NAALADL2: variants seen among roughly 807,000 people sequenced by gnomAD.
NAALADL2 encodes the protein inactive N-acetylated-alpha-linked acidic dipeptidase-like protein 2.
In NAALADL2, 76 loss-of-function variants were observed where a neutral mutation model predicts 87.2. That is an observed-to-expected ratio of 0.87 (90% CI 0.72 to 1.05). The LOEUF is 1.05. Among genes scored for constraint, NAALADL2 ranks in the 50% least tolerant of loss-of-function variants. NAALADL2 has a pLI of 0.00. For missense variants in NAALADL2, 1,089 were observed against 945.8 expected (o/e 1.15, Z -1.99); for synonymous variants, 354 against 331.0 (o/e 1.07, Z -0.75).
chr3:174,907,897 A>C (rs544816761), intron 1 of NAALADL2, among the ~76,000 whole-genome samples: 1 of 152,238 alleles, frequency 6.6e-6, no homozygotes, highest in East Asian at 1.9e-4. Flanking sequence ...ATTTCATGTC[A>C]GTGTTATTAT....
chr3:174,887,739 G>A (rs9854313), intron 1 of NAALADL2, among the ~76,000 whole-genome samples: 55,405 of 151,816 alleles, frequency 0.36, 11,024 homozygotes, highest in African/African-American at 0.54. Flanking sequence ...CAAGGCTGCA[G>A]GGAGCCATTT....
intron 11 of NAALADL2, among the ~76,000 whole-genome samples, chr3:175,694,287 G>A (rs1737444954): frequency 6.6e-6 from 1 of 152,094 alleles, no homozygotes; most frequent in African/African-American, 2.4e-5. Context: ...AAAGGTTTAA[G>A]TTAATCCTCT....
chr3:175,309,535 A>G (rs1177183824), intron 4 of NAALADL2, among the ~76,000 whole-genome samples: 3 of 152,124 alleles, frequency 2.0e-5, no homozygotes, highest in Non-Finnish European at 4.4e-5. Flanking sequence ...ATTGTAGAAA[A>G]AAAAACGTGG....
chr3:174,577,703 AG>A (rs1333125063), intron 2 of NAALADL2, among the ~76,000 whole-genome samples: 3 of 152,098 alleles, frequency 2.0e-5, no homozygotes, highest in African/African-American at 7.2e-5. Context: ...AGTTTTTGCC[AG>A]GTATCCTCCA....
Position 175,803,247 on chromosome 3 carries a change from G to T in NAALADL2, c.*44G>T, listed in dbSNP as rs1754408626. ...TAAAAGTTTGTTTACAATTCCACAA[G>T]CAAAAGCTCTAATTTAACCAGATTT... On this transcript the variant is annotated 3_prime_UTR_variant, in exon 14 of 14. Coordinates refer to ENST00000454872, the MANE Select transcript of NAALADL2 (RefSeq NM_207015.3). 4 of 1,436,664 alleles carry T rather than the reference G, an allele frequency of 2.8e-6. No individual in the cohort carries two copies. The Admixed American group carries it at 8.3e-5, about 30-fold the overall frequency. The allele number at this position is 1,436,664 out of a possible 1,614,324, so 89.0% of individuals were successfully genotyped here. A position where few individuals can be genotyped will look rare whatever the true frequency, so the allele number is the denominator to read the frequency against.
intron 9 of NAALADL2, among the ~76,000 whole-genome samples, chr3:175,474,881 C>G (rs1560613183): frequency 6.6e-6 from 1 of 151,950 alleles, no homozygotes; most frequent in African/African-American, 2.4e-5. Flanking sequence ...ATCGGTGGAG[C>G]CTTCTATTCC....
At chr3:175,017,022 CT>C (rs1272203853) in intron 1 of NAALADL2, among the ~76,000 whole-genome samples, 1 of 152,062 alleles carries the variant, frequency 6.6e-6, no homozygotes, top group Non-Finnish European at 1.5e-5. Flanking sequence ...TTTCTTCCAT[CT>C]ACCTGCGTTT....
At position 175,809,073 on chromosome 3, in the gene NAALADL2, G is replaced by A. The variant is rs933175392; in HGVS notation, c.*5870G>A. ...TGTTTTATTAATATTAAAAATTTTT[G>A]TTTACTTATATATCAAGCTGCTGCA... On this transcript the variant is annotated 3_prime_UTR_variant, in exon 14 of 14. Transcript: ENST00000454872. The A allele has an allele frequency of 4.6e-5, 7 of 151,710 alleles. No homozygotes were observed. Among genetic ancestry groups the A allele is most frequent in the Admixed American group, 3.9e-4 (6 of 15,192 alleles). The allele number at this position is 151,710 out of a possible 1,614,324, so 9.4% of individuals were successfully genotyped here. A position where few individuals can be genotyped will look rare whatever the true frequency, so the allele number is the denominator to read the frequency against.
rs868124870 is a variant in NAALADL2, at chr3:174,607,379, A to G, written c.-115+56742A>G. ...TAAAAGACACAGACTGGCAATTTGG[A>G]TAAAGAGTCAAGACCCATCAGTGTG... On this transcript the variant is annotated intron_variant, in intron 2 of 3. Coordinates refer to the NAALADL2 transcript ENST00000434257. 5.8e-3 allele frequency among the ~76,000 whole-genome samples: 883 copies of G among 151,768 alleles called. 6 individuals carry two copies. Among genetic ancestry groups the G allele is most frequent in the African/African-American group, 0.021 (857 of 41,330 alleles).
chr3:175,323,231 C>T (rs1027999550), intron 4 of NAALADL2, among the ~76,000 whole-genome samples: 5 of 148,256 alleles, frequency 3.4e-5, no homozygotes, highest in East Asian at 2.0e-4. Context: ...AGTAAACTAT[C>T]GCAAGAACAA....
intron 1 of NAALADL2, 81 bp downstream of exon 1, chr3:174,859,531 C>T (rs1726213802): frequency 1.0e-5 from 12 of 1,152,592 alleles, no homozygotes; most frequent in Non-Finnish European, 1.5e-5. Flanking sequence ...CTGTGTGTTT[C>T]TGTGTATGCA....
chr3:174,773,164 G>A (rs1714792170), intron 3 of NAALADL2, among the ~76,000 whole-genome samples: 1 of 152,186 alleles, frequency 6.6e-6, no homozygotes, highest in African/African-American at 2.4e-5. Context: ...TGGGTCTTGA[G>A]AAGTCTATTC....
Position 175,214,139 on chromosome 3 carries a change from C to A in NAALADL2, c.546-19792C>A, listed in dbSNP as rs79853662. 1.0e-3 allele frequency among the ~76,000 whole-genome samples: 156 copies of A among 152,196 alleles called. 4 individuals carry two copies. The East Asian group carries it at 0.027, about 26-fold the overall frequency. ...AATGAAGATATTTGGAGAAGAAATA[C>A]TGGCATTGCTTTTATGTTGATAGGT... On this transcript the variant is annotated intron_variant, in intron 2 of 13. Transcript: ENST00000454872.
At chr3:174,626,444 C>G (rs906211728) in intron 2 of NAALADL2, among the ~76,000 whole-genome samples, 8 of 151,720 alleles carry the variant, frequency 5.3e-5, no homozygotes, top group African/African-American at 1.9e-4. Flanking sequence ...CTATTTATGC[C>G]TTTGCTTAAT....
chr3:174,753,623 G>T (rs1476189008), intron 3 of NAALADL2, among the ~76,000 whole-genome samples: 3 of 152,110 alleles, frequency 2.0e-5, no homozygotes, highest in African/African-American at 7.2e-5. Context: ...GGGAGGGGAT[G>T]GGGGATAAGA....
intron 2 of NAALADL2, among the ~76,000 whole-genome samples, chr3:174,672,704 A>G (rs1395395348): frequency 3.9e-5 from 6 of 152,052 alleles, no homozygotes; most frequent in African/African-American, 1.4e-4. Context: ...GAAGGTGCTC[A>G]GGGAGTAAAG....
At chr3:175,043,858 G>A (rs1754367746) in intron 1 of NAALADL2, among the ~76,000 whole-genome samples, 1 of 152,096 alleles carries the variant, frequency 6.6e-6, no homozygotes, top group South Asian at 2.1e-4. Context: ...TTTAGCTATT[G>A]AGTTTTTAGT....
chr3:175,178,081 T>C (rs1735949311), intron 2 of NAALADL2, among the ~76,000 whole-genome samples: 2 of 152,028 alleles, frequency 1.3e-5, no homozygotes, highest in Admixed American at 6.6e-5. Context: ...ATTTCTTCCA[T>C]AGACAAGTCA....
intron 2 of NAALADL2, among the ~76,000 whole-genome samples, chr3:175,132,015 T>G (rs1169094947): frequency 2.6e-4 from 28 of 105,758 alleles, no homozygotes; most frequent in Non-Finnish European, 3.7e-4. Flanking sequence ...CCCACCTCCC[T>G]CCCGGACGGG....
Sources: allele counts gnomAD v4.1 joint callset (sites outside exome capture counted in the v4.1 genomes callset), GRCh38; gene constraint gnomAD v4.1.1; transcripts MANE v1.5; gene names NCBI Gene and HGNC (gene_info 2026-07-23, HGNC 2026-07-21).